ASTN1: variants seen among roughly 807,000 people sequenced by gnomAD.
The protein encoded by ASTN1 is astrotactin 1.
Under a neutral mutation model 140.7 loss-of-function variants are expected in ASTN1, and 41 were observed. The ratio of observed to expected loss-of-function variants is 0.29; its 90% confidence interval spans 0.23 to 0.38. The LOEUF (loss-of-function observed/expected upper bound fraction) is 0.38, where lower values mean the gene tolerates loss of function less well. Ranked by LOEUF, ASTN1 falls within the 10% of genes least tolerant of loss-of-function variation. The pLI, the probability that ASTN1 is intolerant of heterozygous loss-of-function variation, is 1.00. For missense variants in ASTN1, 1,479 were observed against 1,678.8 expected (o/e 0.88, Z 2.08); for synonymous variants, 640 against 652.2 (o/e 0.98, Z 0.29).
intron 2 of ASTN1, among the ~76,000 whole-genome samples, chr1:177,047,065 C>T (rs907171475): frequency 4.6e-5 from 7 of 152,130 alleles, no homozygotes; most frequent in East Asian, 1.9e-4. Flanking sequence ...GGCTAGGATC[C>T]GGAGAAGCAT....
At chr1:176,918,568 C>T (rs1670591768) in intron 16 of ASTN1, among the ~76,000 whole-genome samples, 1 of 152,166 alleles carries the variant, frequency 6.6e-6, no homozygotes, top group Non-Finnish European at 1.5e-5. Context: ...TCTTCCTCTG[C>T]TCTTCCCTCC....
intron 20 of ASTN1, 65 bp from the exon 21 acceptor site, chr1:176,876,702 C>T (rs1373542435): frequency 7.9e-6 from 12 of 1,513,244 alleles, no homozygotes; most frequent in Middle Eastern, 1.8e-4. Flanking sequence ...TCTCTGTGGC[C>T]CTAGCTCATG....
chr1:176,899,439 T>C (rs976658860), intron 16 of ASTN1, among the ~76,000 whole-genome samples: 2 of 152,194 alleles, frequency 1.3e-5, no homozygotes, highest in African/African-American at 4.8e-5. Flanking sequence ...ACAATTCCTA[T>C]AGGATTCTGA....
intron 11 of ASTN1, among the ~76,000 whole-genome samples, chr1:176,956,000 G>A (rs922990988): frequency 5.3e-5 from 8 of 152,182 alleles, no homozygotes; most frequent in Non-Finnish European, 1.0e-4. Context: ...TGTCTCAGCT[G>A]GGAGCTCCAT....
intron 1 of ASTN1, among the ~76,000 whole-genome samples, chr1:177,085,425 C>A (rs1426018236): frequency 1.3e-5 from 2 of 151,984 alleles, no homozygotes; most frequent in Admixed American, 6.6e-5. Flanking sequence ...TCCTGTTTAC[C>A]CAGCGTTTAT....
In ASTN1 at chr1:176,862,070, C is replaced by T. The variant is rs1179821062; in HGVS notation, c.*2214G>A. ...TAGAAGGATGGCAAAACAGTAGCAG[C>T]AAAGAGATGCTCTGGGCCCTGTCTG... is the stretch of plus-strand genomic sequence containing the variant. On this transcript the variant is annotated 3_prime_UTR_variant, in exon 23 of 23. Coordinates refer to ENST00000361833, the MANE Select transcript of ASTN1 (RefSeq NM_004319.3). 1.0e-6 allele frequency: 1 copy of T among 985,256 alleles called. No homozygotes were observed. Among genetic ancestry groups the T allele is most frequent in the Admixed American group, 6.2e-5 (1 of 16,256 alleles). 61.0% of individuals were successfully genotyped at this position (985,256 alleles called of 1,614,324 possible). A position where few individuals can be genotyped will look rare whatever the true frequency, so the allele number is the denominator to read the frequency against.
intron 1 of ASTN1, among the ~76,000 whole-genome samples, chr1:177,140,215 C>G (rs547231355): frequency 6.6e-6 from 1 of 152,086 alleles, no homozygotes; most frequent in Non-Finnish European, 1.5e-5. Context: ...TTATAATAGC[C>G]GAAAATAGCT....
chr1:176,925,712 A>G (rs954673949), intron 16 of ASTN1, among the ~76,000 whole-genome samples: 4 of 151,734 alleles, frequency 2.6e-5, no homozygotes, highest in Admixed American at 1.3e-4. Context: ...ATTCTACCTC[A>G]TTTTGTCCAC....
chr1:177,155,899 C>G (rs531518995), intron 1 of ASTN1, among the ~76,000 whole-genome samples: 1 of 152,242 alleles, frequency 6.6e-6, no homozygotes, highest in South Asian at 2.1e-4. Context: ...GCTGAGAGAG[C>G]CTAGAAGCAA....
intron 16 of ASTN1, among the ~76,000 whole-genome samples, chr1:176,917,045 T>C (rs1670517605): frequency 6.6e-6 from 1 of 152,192 alleles, no homozygotes; most frequent in Non-Finnish European, 1.5e-5. Context: ...TGAGGTTCCC[T>C]CACCCTCCTT....
Position 177,050,664 on chromosome 1 carries a change from G to A in ASTN1, c.471+10414C>T, listed in dbSNP as rs966816676. 9.2e-5 allele frequency among the ~76,000 whole-genome samples: 14 copies of A among 152,174 alleles called. No homozygotes were observed. The South Asian group carries it at 2.9e-3, about 32-fold the overall frequency. Reference sequence around the variant, plus strand: ...GTAAGCCATTTAACAAACTTTAGCAGATACTTAAATGTGTCACAGCTAATT... The same window carrying A: ...GTAAGCCATTTAACAAACTTTAGCAAATACTTAAATGTGTCACAGCTAATT... On this transcript the variant is annotated intron_variant, in intron 2 of 22. Transcript: ENST00000361833.
intron 16 of ASTN1, among the ~76,000 whole-genome samples, chr1:176,905,386 C>G (rs976559687): frequency 1.3e-5 from 2 of 152,142 alleles, no homozygotes; most frequent in African/African-American, 4.8e-5. Context: ...ACCAAATGGT[C>G]TAGAAATTTT....
chr1:176,863,900 A>G lies in ASTN1; in HGVS notation c.*384T>C. On this transcript the variant is annotated 3_prime_UTR_variant, in exon 23 of 23. Transcript: ENST00000361833. The stretch of plus-strand genomic sequence containing the variant: ...TCACCTCTGCTCCCAGTTGCAATGG[A>G]TTTAGGAACTGAGTGAGCACAGGGT... 9.7e-7 allele frequency: 1 copy of G among 1,027,040 alleles called. No individual in the cohort carries two copies. The highest frequency in any genetic ancestry group is 1.2e-6 in the Non-Finnish European group (1 of 854,400). The allele number at this position is 1,027,040 out of a possible 1,614,324, so 63.6% of individuals were successfully genotyped here.
intron 5 of ASTN1, among the ~76,000 whole-genome samples, chr1:177,027,593 A>T (rs551710267): frequency 6.7e-6 from 1 of 150,302 alleles, no homozygotes; most frequent in South Asian, 2.1e-4. Flanking sequence ...ATATTGAACG[A>T]CTTTTACTTC....
chr1:176,900,912 CA>C (rs1340557966), intron 16 of ASTN1, among the ~76,000 whole-genome samples: 1 of 152,168 alleles, frequency 6.6e-6, no homozygotes, highest in African/African-American at 2.4e-5. Flanking sequence ...TATAATATCC[CA>C]CATGCCTTAT....
intron 1 of ASTN1, among the ~76,000 whole-genome samples, chr1:177,145,156 G>C (rs1028766599): frequency 2.6e-5 from 4 of 152,138 alleles, no homozygotes; most frequent in African/African-American, 7.2e-5. Context: ...TTTCAGCTCC[G>C]TTCCTCTGGA....
intron 2 of ASTN1, among the ~76,000 whole-genome samples, chr1:177,053,604 C>A (rs1677647446): frequency 6.6e-6 from 1 of 152,094 alleles, no homozygotes; most frequent in African/African-American, 2.4e-5. Flanking sequence ...TAATCAATAT[C>A]TAAATGAAGG....
chr1:177,050,590 G>A (rs1357864845), intron 2 of ASTN1, among the ~76,000 whole-genome samples: 1 of 152,140 alleles, frequency 6.6e-6, no homozygotes, highest in Non-Finnish European at 1.5e-5. Context: ...TATAGAGAGA[G>A]ACCCCTTGCA....
chr1:176,876,761 T>C, intron 20 of ASTN1, 124 bp from the exon 21 acceptor site: 1 of 888,806 alleles, frequency 1.1e-6, no homozygotes, highest in East Asian at 2.7e-5. Flanking sequence ...ACTCTCGTCA[T>C]CCTGGGTCAC....
Sources: gnomAD v4.1 joint callset for allele counts (sites outside exome capture counted in the v4.1 genomes callset) on GRCh38, gnomAD v4.1.1 for gene constraint, MANE v1.5 for transcripts, NCBI Gene and HGNC (gene_info 2026-07-23, HGNC 2026-07-21) for gene names.